Variants in STIL observed in about 807,000 individuals in gnomAD.
The protein encoded by STIL is SCL-interrupting locus protein.
Under a neutral mutation model 110.1 loss-of-function variants are expected in STIL, and 55 were observed. The observed-to-expected ratio is 0.50, with a 90% CI of 0.40 to 0.63. The LOEUF is 0.63. Ranked by LOEUF, STIL falls within the 20% of genes least tolerant of loss-of-function variation. The probability of loss-of-function intolerance (pLI) is 0.00; values close to 1 mark genes in which losing one functional copy is unlikely to be tolerated. For synonymous variants in STIL, 481 were observed against 530.0 expected, an observed-to-expected ratio of 0.91 and a Z score of 1.27; for missense variants, 1,358 against 1,530.0, an observed-to-expected ratio of 0.89 and a Z score of 1.87.
At chr1:47,279,060 G>A (rs146735488) in intron 12 of STIL, among the ~76,000 whole-genome samples, 1,808 of 152,174 alleles carry the variant, frequency 0.012, 35 homozygotes, top group African/African-American at 0.041. Flanking sequence ...CACTTTGGGA[G>A]GCCGAGGTGG....
chr1:47,295,695 G>T, intron 7 of STIL, 70 bp downstream of exon 7: 1 of 1,045,130 alleles, frequency 9.6e-7, no homozygotes. Flanking sequence ...TAGTACAACT[G>T]AGTCACATGC....
chr1:47,250,533 A>G lies in STIL; in HGVS notation c.*603T>C, dbSNP rs1172763659. ...CATGCTGGAACTTCTTAAAATATAC[A>G]GTATAGCTGGGCGCAGTGGCTCACG... On this transcript the variant is annotated 3_prime_UTR_variant, in exon 17 of 17. Coordinates refer to ENST00000371877, the MANE Select transcript of STIL (RefSeq NM_001048166.1). 1 of 160,964 alleles carries G rather than the reference A, an allele frequency of 6.2e-6. No homozygotes were observed. Among genetic ancestry groups the G allele is most frequent in the Non-Finnish European group, 1.4e-5 (1 of 72,910 alleles). 10.0% of individuals were successfully genotyped at this position (160,964 alleles called of 1,614,324 possible).
At chr1:47,294,817 T>C (rs979205868) in intron 7 of STIL, among the ~76,000 whole-genome samples, 1 of 152,246 alleles carries the variant, frequency 6.6e-6, no homozygotes, top group African/African-American at 2.4e-5. Context: ...GGTATTATTA[T>C]GAGCCCTGAG....
At chr1:47,294,007 T>TA in intron 7 of STIL, among the ~76,000 whole-genome samples, 1 of 152,218 alleles carries the variant, frequency 6.6e-6, no homozygotes, top group East Asian at 1.9e-4. Flanking sequence ...AGAAGGCTCT[T>TA]AATATTTACT....
chr1:47,295,116 T>C lies in STIL; in HGVS notation c.785+649A>G, dbSNP rs529886482. Among the ~76,000 whole-genome samples, 5 of 150,416 alleles carry C rather than the reference T, an allele frequency of 3.3e-5. No individual in the cohort carries two copies. In the East Asian group the frequency reaches 9.9e-4, roughly 30 times the overall value. ...TTTTGTATTTTTAGTAGAAATGGGGTTTCACCATGTTATCCAGGCTGGCCT... is the reference window on the plus strand; with the variant it reads ...TTTTGTATTTTTAGTAGAAATGGGGCTTCACCATGTTATCCAGGCTGGCCT... On this transcript the variant is annotated intron_variant, in intron 7 of 16. Coordinates refer to ENST00000371877, the MANE Select transcript of STIL (RefSeq NM_001048166.1).
At chr1:47,257,264 G>A (rs754329992) in intron 16 of STIL, among the ~76,000 whole-genome samples, 16 of 152,286 alleles carry the variant, frequency 1.1e-4, no homozygotes, top group South Asian at 4.1e-4. Context: ...TATTCCAGAC[G>A]GAGCCTAAGA....
chr1:47,291,048 C>T (rs1645472028), intron 8 of STIL, among the ~76,000 whole-genome samples: 1 of 152,128 alleles, frequency 6.6e-6, no homozygotes, highest in Admixed American at 6.6e-5. Flanking sequence ...AAGTCGGCCT[C>T]CCTGACCACC....
chr1:47,274,335 T>C (rs1644923822), intron 12 of STIL, among the ~76,000 whole-genome samples: 2 of 150,732 alleles, frequency 1.3e-5, no homozygotes, highest in African/African-American at 2.5e-5. Context: ...CTCAGAACTT[T>C]TCTTTTTTTT....
intron 16 of STIL, among the ~76,000 whole-genome samples, chr1:47,258,247 T>C (rs760188151): frequency 1.6e-4 from 24 of 152,194 alleles, no homozygotes; most frequent in Non-Finnish European, 1.8e-4. Context: ...TTTTACACTA[T>C]TGGTAGGAAT....
At chr1:47,274,471 C>A (rs557856568) in intron 12 of STIL, among the ~76,000 whole-genome samples, 1 of 147,908 alleles carries the variant, frequency 6.8e-6, no homozygotes, top group East Asian at 2.0e-4. Context: ...GCTGGGACTA[C>A]GCCAGGCTAA....
chr1:47,281,042 C>T lies in STIL; in HGVS notation c.1416G>A (p.Glu472=). 6.2e-7 allele frequency: 1 copy of T among 1,614,138 alleles called. No homozygotes were observed. The highest frequency in any genetic ancestry group is 8.5e-7 in the Non-Finnish European group (1 of 1,180,022). Residue 472 remains glutamate, a synonymous_variant, in exon 12 of 17, where the codon GAG becomes GAA. Transcript: ENST00000371877. Reference sequence around the variant, plus strand: ...CAGCTTCAACTTCTGGACTGTGTTTCTCATCATAAAGCTGGGGTTGCAATG... The same window carrying T: ...CAGCTTCAACTTCTGGACTGTGTTTTTCATCATAAAGCTGGGGTTGCAATG... ...LKPLQPQLYD[E]KHSPEVEAGE...
In STIL at chr1:47,281,194, G is replaced by T. The variant is rs888258532; in HGVS notation, c.1264C>A (p.Pro422Thr). The stretch of plus-strand genomic sequence containing the variant: ...ACAAGTGAAAGTTCAGGAACTGATG[G>T]TTGGATCTTAGAAATCTACAAATAA... Reference protein sequence around the residue: ...PVSQKISKIQPSVPELSLVLD... With the variant: ...PVSQKISKIQTSVPELSLVLD... The change falls in exon 12 of 17, where the codon CCA becomes ACA. Residue 422 changes from proline (P) to threonine (T), a missense_variant. Pro to Thr is a conservative substitution (Grantham distance 38). Coordinates refer to ENST00000371877, the MANE Select transcript of STIL (RefSeq NM_001048166.1). 4.3e-6 allele frequency: 7 copies of T among 1,612,522 alleles called. No individual in the cohort carries two copies. Among genetic ancestry groups the T allele is most frequent in the Non-Finnish European group, 5.9e-6 (7 of 1,179,676 alleles).
chr1:47,287,779 G>T, intron 9 of STIL, 119 bp from the exon 10 acceptor site: 1 of 784,276 alleles, frequency 1.3e-6, no homozygotes, highest in Non-Finnish European at 2.2e-6. Flanking sequence ...TCTGATTTCT[G>T]TAACCCTCTT....
chr1:47,279,237 C>A (rs375918178), intron 12 of STIL, among the ~76,000 whole-genome samples: 1 of 146,012 alleles, frequency 6.8e-6, no homozygotes, highest in African/African-American at 2.6e-5. Context: ...GAGCCGAGAT[C>A]GTGGCACTGC....
At chr1:47,267,939 T>C (rs1644703139) in intron 14 of STIL, among the ~76,000 whole-genome samples, 1 of 151,970 alleles carries the variant, frequency 6.6e-6, no homozygotes, top group African/African-American at 2.4e-5. Context: ...TAATGAAAAA[T>C]TTCAAACATG....
chr1:47,253,232 CTA>C (rs2148640286), intron 16 of STIL, among the ~76,000 whole-genome samples: 1 of 152,330 alleles, frequency 6.6e-6, no homozygotes, highest in East Asian at 1.9e-4. Flanking sequence ...TGGAATATTT[CTA>C]TCTTATTCTC....
chr1:47,251,794 A>G lies in STIL; in HGVS notation c.3209T>C (p.Leu1070Pro). Residue 1070 changes from leucine to proline, a missense_variant, in exon 17 of 17, where the codon CTG becomes CCG. Physicochemically the swap from Leu to Pro is moderately conservative, Grantham distance 98. Transcript: ENST00000371877. ...DLSMEANAIALKYLNENQLSQ... is the reference protein window; with the variant it reads ...DLSMEANAIAPKYLNENQLSQ... ...CAGCTGATTTTCATTTAAATATTTC[A>G]GAGCTATAGCATTTGCCTCCATGCT... 6.2e-7 allele frequency: 1 copy of G among 1,612,748 alleles called. No individual in the cohort carries two copies. The highest frequency in any genetic ancestry group is 1.3e-5 in the African/African-American group (1 of 74,990).
In STIL at chr1:47,263,364, G is replaced by A. The variant is rs181330310; in HGVS notation, c.2616-248C>T. ...TCAAGATCAGACTGGGGAATATATC[G>A]AGACCCCATCTCCACAAAAAATTTG... On this transcript the variant is annotated intron_variant, in intron 14 of 16. Transcript: ENST00000371877. Among the ~76,000 whole-genome samples the A allele has an allele frequency of 2.6e-5, 4 of 152,162 alleles. No individual in the cohort carries two copies. The East Asian group carries it at 7.7e-4, about 29-fold the overall frequency.
chr1:47,299,419 C>T (rs1189418218), intron 6 of STIL, among the ~76,000 whole-genome samples: 3 of 128,162 alleles, frequency 2.3e-5, no homozygotes, highest in South Asian at 2.4e-4. Flanking sequence ...TTTTTTGAAA[C>T]GGAGTCTCTG....
Sources: allele counts gnomAD v4.1 joint callset (sites outside exome capture counted in the v4.1 genomes callset), GRCh38; gene constraint gnomAD v4.1.1; transcripts MANE v1.5; gene names NCBI Gene and HGNC (gene_info 2026-07-23, HGNC 2026-07-21).